Variants in PTDSS2 observed in about 807,000 individuals in gnomAD.
PTDSS2 encodes phosphatidylserine synthase 2, also known as PSS-2.
Under a neutral mutation model 64.7 loss-of-function variants are expected in PTDSS2, and 41 were observed. The observed-to-expected ratio is 0.63, with a 90% CI of 0.49 to 0.82. The LOEUF is 0.82. Among genes scored for constraint, PTDSS2 ranks in the 40% least tolerant of loss-of-function variants. PTDSS2 has a pLI of 0.00. For missense variants in PTDSS2, 485 were observed against 650.0 expected, an observed-to-expected ratio of 0.75 and a Z score of 2.76; for synonymous variants, 297 against 277.8, an observed-to-expected ratio of 1.07 and a Z score of -0.69.
At position 461,757 on chromosome 11, in the gene PTDSS2, G is replaced by A. The variant is rs1436140991; in HGVS notation, c.284+1469G>A. ...CTTAGGCAGTCCCAGCGGGGGTCAC[G>A]TGCAGAACCTGCAGGCCCGGTGTGC... On this transcript the variant is annotated intron_variant, in intron 2 of 11. Transcript: ENST00000308020. The surrounding 1 kb of genome is among the most constrained non-coding windows in gnomAD (Gnocchi z 4.2). Among the ~76,000 whole-genome samples, 3 of 152,244 alleles carry A rather than the reference G, an allele frequency of 2.0e-5. No individual in the cohort carries two copies. The East Asian group carries it at 5.8e-4, about 29-fold the overall frequency.
At chr11:487,920 C>T (rs1848468919) in intron 6 of PTDSS2, among the ~76,000 whole-genome samples, 1 of 152,232 alleles carries the variant, frequency 6.6e-6, no homozygotes, top group East Asian at 1.9e-4. Context: ...ACCCCACGCT[C>T]ACCCTGAGAC....
At chr11:486,904 C>CTGTA in intron 4 of PTDSS2, 35 bp from the exon 5 acceptor site, 1 of 1,580,888 alleles carries the variant, frequency 6.3e-7, no homozygotes, top group Non-Finnish European at 8.6e-7. Flanking sequence ...CCACCACTAA[C>CTGTA]TGTAGCCCCG....
intron 2 of PTDSS2, among the ~76,000 whole-genome samples, chr11:472,401 C>T (rs191978611): frequency 1.4e-4 from 21 of 152,328 alleles, no homozygotes; most frequent in African/African-American, 5.1e-4. Flanking sequence ...CCTTGCTGAA[C>T]CCAGCAGCGA....
chr11:458,664 C>G (rs994535624), intron 1 of PTDSS2: 1 of 152,076 alleles, frequency 6.6e-6, no homozygotes, highest in African/African-American at 2.4e-5. Flanking sequence ...TGCCACCACG[C>G]CTGGCTAATT....
At chr11:488,125 G>C (rs1848485583) in intron 6 of PTDSS2, 74 bp from the exon 7 acceptor site, 2 of 1,124,012 alleles carry the variant, frequency 1.8e-6, no homozygotes, top group African/African-American at 3.1e-5. Context: ...AGCCGGGGTG[G>C]GGGCTGCACG....
Position 460,294 on chromosome 11 carries a change from C to G in PTDSS2, c.284+6C>G. On this transcript the variant is annotated splice_donor_region_variant and intron_variant, in intron 2 of 11. Coordinates refer to ENST00000308020, the MANE Select transcript of PTDSS2 (RefSeq NM_030783.3). The surrounding 1 kb of genome is among the most constrained non-coding windows in gnomAD (Gnocchi z 5.8). ...ACGGCCTACAACACCAAGAGGTAAG[C>G]TGCCCTCTTGTCCTGCCTTCTGAAA... 1 of 1,611,406 alleles carries G rather than the reference C, an allele frequency of 6.2e-7. No homozygotes were observed. The highest frequency in any genetic ancestry group is 1.3e-5 in the African/African-American group (1 of 74,974).
At chr11:451,344 G>A in intron 1 of PTDSS2, 1 of 441,314 alleles carries the variant, frequency 2.3e-6, no homozygotes, top group Non-Finnish European at 4.6e-6. Flanking sequence ...GTGGCACTCT[G>A]TGTCCAGACA....
intron 4 of PTDSS2, among the ~76,000 whole-genome samples, chr11:482,728 C>A (rs578251899): frequency 4.9e-4 from 75 of 152,236 alleles, no homozygotes; most frequent in African/African-American, 1.8e-3. Flanking sequence ...GGAGAAAGTT[C>A]TGTGAGTTTT....
chr11:459,622 A>C, intron 1 of PTDSS2: 1 of 154,908 alleles, frequency 6.5e-6, no homozygotes. Context: ...ACAGGACAAG[A>C]CTGCAAAGGG....
In PTDSS2 at chr11:476,372, C is replaced by T. The variant is rs964199159; in HGVS notation, c.367+2395C>T. On this transcript the variant is annotated intron_variant, in intron 3 of 11. Coordinates refer to ENST00000308020, the MANE Select transcript of PTDSS2 (RefSeq NM_030783.3). The surrounding 1 kb of genome is among the most constrained non-coding windows in gnomAD (Gnocchi z 4.9). ...CCGTCACACAGTGAAAGGCCTGGCG[C>T]GGTGATGGTGAGAAACTTCCCGGCA... Among the ~76,000 whole-genome samples, 2 of 152,162 alleles carry T rather than the reference C, an allele frequency of 1.3e-5. No homozygotes were observed. Among genetic ancestry groups the T allele is most frequent in the Non-Finnish European group, 2.9e-5 (2 of 68,038 alleles).
intron 1 of PTDSS2, among the ~76,000 whole-genome samples, chr11:457,683 C>T (rs1326652212): frequency 1.3e-5 from 2 of 152,212 alleles, no homozygotes; most frequent in Non-Finnish European, 2.9e-5. Flanking sequence ...GTTATTATAC[C>T]TGAAACATCT....
At chr11:457,465 G>T (rs1263559201) in intron 1 of PTDSS2, among the ~76,000 whole-genome samples, 1 of 152,190 alleles carries the variant, frequency 6.6e-6, no homozygotes, top group African/African-American at 2.4e-5. Context: ...ATCTCACGAT[G>T]TTCATGATGT....
At chr11:452,436 G>A (rs563068068) in intron 1 of PTDSS2, among the ~76,000 whole-genome samples, 5 of 152,352 alleles carry the variant, frequency 3.3e-5, no homozygotes, top group African/African-American at 1.2e-4. Context: ...CAGCCCAAAG[G>A]TAGGAGGGGG....
In PTDSS2 at chr11:461,504, C is replaced by T. The variant is rs1846881127; in HGVS notation, c.284+1216C>T. On this transcript the variant is annotated intron_variant, in intron 2 of 11. Transcript: ENST00000308020. The surrounding 1 kb of genome is among the most constrained non-coding windows in gnomAD (Gnocchi z 4.2). ...GCAGCCTGCTCCCCAGATGAGCTCA[C>T]CCTCCATCCTCACCTGGGAGGCGCA... Among the ~76,000 whole-genome samples, 1 of 152,162 alleles carries T rather than the reference C, an allele frequency of 6.6e-6. No homozygotes were observed. Among genetic ancestry groups the T allele is most frequent in the African/African-American group, 2.4e-5 (1 of 41,444 alleles).
At chr11:471,602 G>T (rs1847437723) in intron 2 of PTDSS2, among the ~76,000 whole-genome samples, 1 of 150,418 alleles carries the variant, frequency 6.6e-6, no homozygotes, top group Non-Finnish European at 1.5e-5. Context: ...ACGGATGGTG[G>T]CCTGGGATGA....
intron 1 of PTDSS2, 41 bp downstream of exon 1, chr11:450,678 C>A: frequency 8.1e-7 from 1 of 1,238,854 alleles, no homozygotes. Flanking sequence ...AGGGTGCCCT[C>A]GACCTGGGGG....
intron 4 of PTDSS2, among the ~76,000 whole-genome samples, chr11:481,696 G>A (rs186313656): frequency 3.9e-5 from 6 of 152,184 alleles, no homozygotes; most frequent in East Asian, 1.9e-4. Context: ...CTGATCTTGC[G>A]TCCTGCAACC....
intron 4 of PTDSS2, among the ~76,000 whole-genome samples, chr11:480,944 C>T (rs1459285553): frequency 2.0e-5 from 3 of 151,898 alleles, no homozygotes; most frequent in South Asian, 2.1e-4. Context: ...ATTAGCCGGG[C>T]GTGGTCGCGG....
At chr11:457,208 A>G (rs1482467837) in intron 1 of PTDSS2, among the ~76,000 whole-genome samples, 1 of 152,232 alleles carries the variant, frequency 6.6e-6, no homozygotes, top group Non-Finnish European at 1.5e-5. Flanking sequence ...GAAATCGGCT[A>G]AGTCCAGGTG....
Sources: gnomAD v4.1 joint callset for allele counts (sites outside exome capture counted in the v4.1 genomes callset) on GRCh38, gnomAD v4.1.1 for gene constraint, Gnocchi (gnomAD v3.1) non-coding constraint, MANE v1.5 for transcripts, NCBI Gene and HGNC (gene_info 2026-07-23, HGNC 2026-07-21) for gene names.